FRMD3: variants seen among roughly 807,000 people sequenced by gnomAD.
The protein encoded by FRMD3 is FERM domain containing 3, also known as FERM domain-containing protein 3.
FRMD3 carries 33 observed loss-of-function variants against 70.2 expected under a neutral mutation model. The ratio of observed to expected loss-of-function variants is 0.47; its 90% CI spans 0.36 to 0.63. The LOEUF (loss-of-function observed/expected upper bound fraction) is 0.63. Among genes scored for constraint, FRMD3 ranks in the 20% least tolerant of loss-of-function variants. The pLI is 0.00. For synonymous variants in FRMD3, 279 were observed against 255.9 expected, an observed-to-expected ratio of 1.09 and a Z score of -0.86; for missense variants, 632 against 711.4, an observed-to-expected ratio of 0.89 and a Z score of 1.27.
At chr9:83,337,374 C>A (rs781347023) in intron 5 of FRMD3, among the ~76,000 whole-genome samples, 7 of 152,100 alleles carry the variant, frequency 4.6e-5, no homozygotes, top group African/African-American at 7.2e-5. Context: ...AAGGGCACCT[C>A]CAGAGGATCT....
the FRMD3 span, among the ~76,000 whole-genome samples, chr9:83,547,937 T>C: frequency 6.6e-6 from 1 of 152,316 alleles, no homozygotes; most frequent in African/African-American, 2.4e-5. Flanking sequence ...CCAAAGCAGA[T>C]ATGCTGATGG....
At chr9:83,261,464 T>C (rs547905475) in intron 13 of FRMD3, among the ~76,000 whole-genome samples, 15 of 152,176 alleles carry the variant, frequency 9.9e-5, no homozygotes, top group Non-Finnish European at 2.1e-4. Context: ...TGTTTTCTTC[T>C]GTCCTCCTAC....
chr9:83,545,361 T>TG, the FRMD3 span, among the ~76,000 whole-genome samples: 4 of 145,112 alleles, frequency 2.8e-5, no homozygotes, highest in African/African-American at 5.2e-5. Context: ...TTTTTGTTTT[T>TG]TTTTTTTTTT....
At chr9:83,319,565 G>T (rs998609906) in intron 6 of FRMD3, among the ~76,000 whole-genome samples, 4 of 152,176 alleles carry the variant, frequency 2.6e-5, no homozygotes. Context: ...GGGATTACAG[G>T]CATGTGCCAC....
intron 13 of FRMD3, among the ~76,000 whole-genome samples, chr9:83,286,973 A>G (rs563565303): frequency 1.2e-4 from 19 of 152,246 alleles, no homozygotes; most frequent in Admixed American, 7.8e-4. Flanking sequence ...TTTCAACTCA[A>G]TGTCTCCGAG....
intron 1 of FRMD3, among the ~76,000 whole-genome samples, chr9:83,404,530 C>T (rs1208122332): frequency 6.6e-6 from 1 of 152,118 alleles, no homozygotes; most frequent in Non-Finnish European, 1.5e-5. Context: ...CAAGAATGTG[C>T]AGAAATGCAT....
intron 1 of FRMD3, among the ~76,000 whole-genome samples, chr9:83,429,344 C>A (rs1027197744): frequency 2.0e-5 from 3 of 152,138 alleles, no homozygotes; most frequent in Non-Finnish European, 4.4e-5. Context: ...CTGGCTCCAG[C>A]CCCCTGCTTG....
intron 6 of FRMD3, among the ~76,000 whole-genome samples, chr9:83,325,767 G>A (rs539725020): frequency 6.6e-6 from 1 of 152,270 alleles, no homozygotes; most frequent in African/African-American, 2.4e-5. Context: ...ACTAAAACCT[G>A]CAGGCCAAAT....
downstream of FRMD3, among the ~76,000 whole-genome samples, chr9:83,244,144 A>AAG (rs1563966548): frequency 1.0e-3 from 157 of 150,164 alleles, 1 homozygote; most frequent in African/African-American, 2.1e-3. Context: ...CAAAAAAAAA[A>AAG]AAGTGGAATC....
chr9:83,303,098 G>A (rs1191068094), intron 10 of FRMD3, among the ~76,000 whole-genome samples: 1 of 152,182 alleles, frequency 6.6e-6, no homozygotes, highest in Non-Finnish European at 1.5e-5. Context: ...GGGACATTGG[G>A]TGGTGCTCCA....
intron 1 of FRMD3, among the ~76,000 whole-genome samples, chr9:83,415,780 G>A (rs71498492): frequency 6.6e-6 from 1 of 151,864 alleles, no homozygotes; most frequent in Non-Finnish European, 1.5e-5. Context: ...ATTCTTCAGA[G>A]ACATTATATT....
upstream of FRMD3, among the ~76,000 whole-genome samples, chr9:83,539,453 G>T (rs1045503730): frequency 2.0e-5 from 3 of 152,320 alleles, no homozygotes; most frequent in African/African-American, 7.2e-5. Context: ...TGTTGCTCTT[G>T]CCGGAGCAGA....
intron 10 of FRMD3, among the ~76,000 whole-genome samples, chr9:83,304,916 G>A (rs144163806): frequency 1.1e-4 from 17 of 152,288 alleles, no homozygotes; most frequent in African/African-American, 1.9e-4. Context: ...GAGTTTCTGC[G>A]TCTGGGCTCC....
chr9:83,546,358 A>AAAAAC, the FRMD3 span, among the ~76,000 whole-genome samples: 953 of 152,240 alleles, frequency 6.3e-3, 8 homozygotes, highest in Non-Finnish European at 9.9e-3. Flanking sequence ...CTGCGTCTCA[A>AAAAAC]AAAACAAAAC....
chr9:83,268,248 C>G (rs1410190914), intron 13 of FRMD3, among the ~76,000 whole-genome samples: 3 of 152,134 alleles, frequency 2.0e-5, no homozygotes, highest in African/African-American at 7.2e-5. Context: ...CTCTATGAAA[C>G]AAAGGTTTAT....
At chr9:83,495,082 A>G (rs1189139242) in intron 1 of FRMD3, among the ~76,000 whole-genome samples, 4 of 152,188 alleles carry the variant, frequency 2.6e-5, no homozygotes, top group Non-Finnish European at 4.4e-5. Flanking sequence ...GTTTAGTTAT[A>G]TAAATTAGGC....
At chr9:83,290,766 C>T in intron 12 of FRMD3, 39 bp from the exon 13 acceptor site, 1 of 1,566,340 alleles carries the variant, frequency 6.4e-7, no homozygotes, top group East Asian at 2.3e-5. Flanking sequence ...TGGTTTCCAT[C>T]ACAAATGCTG....
chr9:83,245,983 T>G lies in FRMD3; in HGVS notation c.*1935A>C, dbSNP rs890804335. ...TTATTTAAAAAGCAAAATAAATCAC[T>G]GAAAGCATATAGGAAAGGAAACCCC... On this transcript the variant is annotated 3_prime_UTR_variant, in exon 14 of 14. Coordinates refer to ENST00000304195, the MANE Select transcript of FRMD3 (RefSeq NM_174938.6). 1.0e-6 allele frequency: 1 copy of G among 984,306 alleles called. No individual in the cohort carries two copies. The highest frequency in any genetic ancestry group is 1.7e-5 in the African/African-American group (1 of 57,196). 61.0% of individuals were successfully genotyped at this position (984,306 alleles called of 1,614,324 possible).
chr9:83,524,013 T>G (rs1224682548), intron 1 of FRMD3, among the ~76,000 whole-genome samples: 1 of 152,250 alleles, frequency 6.6e-6, no homozygotes, highest in Non-Finnish European at 1.5e-5. Context: ...CCACAGAGTT[T>G]ATTACTCTTC....
Sources: gnomAD v4.1 joint callset for allele counts (sites outside exome capture counted in the v4.1 genomes callset) on GRCh38, gnomAD v4.1.1 for gene constraint, MANE v1.5 for transcripts, NCBI Gene and HGNC (gene_info 2026-07-23, HGNC 2026-07-21) for gene names.